The following SRRM1 variants were observed in gnomAD, a reference collection of about 807,000 sequenced individuals.
The protein encoded by SRRM1 is serine/arginine repetitive matrix protein 1.
SRRM1 carries 19 observed loss-of-function variants against 110.2 expected under a neutral mutation model. The observed-to-expected ratio is 0.17, with a 90% confidence interval of 0.12 to 0.25. The LOEUF (loss-of-function observed/expected upper bound fraction) is 0.25. Among genes scored for constraint, SRRM1 ranks in the 10% least tolerant of loss-of-function variants. The probability of loss-of-function intolerance (pLI) is 1.00; values close to 1 mark genes in which losing one functional copy is unlikely to be tolerated. For synonymous variants in SRRM1, 443 were observed against 414.9 expected (o/e 1.07, Z -0.82); for missense variants, 918 against 1,145.8 (o/e 0.80, Z 2.87).
At position 24,651,398 on chromosome 1, in the gene SRRM1, T is replaced by A; in HGVS notation, c.522-11T>A. 1 of 1,610,250 alleles carries A rather than the reference T, an allele frequency of 6.2e-7. No homozygotes were observed. Among genetic ancestry groups the A allele is most frequent in the Non-Finnish European group, 8.5e-7 (1 of 1,178,286 alleles). ...TATTTAAAAACCTGAAAAAAATTAC[T>A]TTCATCCTAGACGCAAATCCAGATC... On this transcript the variant is annotated splice_polypyrimidine_tract_variant and intron_variant, in intron 5 of 16. Transcript: ENST00000323848.
In SRRM1 at chr1:24,655,068, G is replaced by A. The variant is rs746946781; in HGVS notation, c.1254G>A (p.Gln418=). 1.2e-6 allele frequency: 2 copies of A among 1,614,160 alleles called. No homozygotes were observed. The highest frequency in any genetic ancestry group is 1.7e-6 in the Non-Finnish European group (2 of 1,180,028). ...PPKTRHSPTP[Q]QSNRTRKSRV... ...AAACTCGGCATTCCCCTACACCCCAGCAGTCAAACCGTACAAGAAAAAGTC... is the reference window on the plus strand; with the variant it reads ...AAACTCGGCATTCCCCTACACCCCAACAGTCAAACCGTACAAGAAAAAGTC... Residue 418 remains glutamine, a synonymous_variant, in exon 9 of 17, where the codon CAG becomes CAA. Coordinates refer to ENST00000323848, the MANE Select transcript of SRRM1 (RefSeq NM_005839.4).
intron 4 of SRRM1, 36 bp from the exon 5 acceptor site, chr1:24,649,935 T>TC: frequency 6.6e-7 from 1 of 1,510,366 alleles, no homozygotes; most frequent in Non-Finnish European, 8.8e-7. Context: ...TCTCAAATGT[T>TC]CAACTATGTG....
chr1:24,660,678 T>C, intron 9 of SRRM1, 41 bp from the exon 10 acceptor site: 1 of 1,169,280 alleles, frequency 8.6e-7, no homozygotes, highest in Non-Finnish European at 1.2e-6. Flanking sequence ...TATAGACCTT[T>C]TTTTGTACGT....
intron 5 of SRRM1, chr1:24,650,514 T>G (rs192969219): frequency 6.6e-6 from 1 of 152,566 alleles, no homozygotes; most frequent in Admixed American, 6.5e-5. Context: ...TTTTCTTAGA[T>G]GGTTGTACTG....
Position 24,654,897 on chromosome 1 carries a change from A to G in SRRM1, c.1083A>G (p.Ser361=). The G allele has an allele frequency of 2.5e-6, 4 of 1,614,148 alleles. No individual in the cohort carries two copies. Among genetic ancestry groups the G allele is most frequent in the Non-Finnish European group, 3.4e-6 (4 of 1,180,016 alleles). The change falls in exon 9 of 17, where the codon TCA becomes TCG. Residue 361 remains serine (S), a synonymous_variant. Transcript: ENST00000323848. The part of the protein sequence containing the change: ...SSASLSGSSS[S]SSSSRSRSPP... Reference sequence around the variant, plus strand: ...CATCCTTGTCTGGGAGTAGCTCATCATCCTCTTCATCTCGTTCACGGTCAC... The same window carrying G: ...CATCCTTGTCTGGGAGTAGCTCATCGTCCTCTTCATCTCGTTCACGGTCAC...
rs1346480220 is a variant in SRRM1 at position 24,656,546 on chromosome 1, A to G, written c.1315+1417A>G. Among the ~76,000 whole-genome samples, 5 of 152,154 alleles carry G rather than the reference A, an allele frequency of 3.3e-5. No individual in the cohort carries two copies. The East Asian group carries it at 7.7e-4, about 23-fold the overall frequency. ...CCATACTGCTTTTCAGCATTGGGAA[A>G]ATTTCAGTCCATTTTCAGTTACCAT... is the stretch of plus-strand genomic sequence containing the variant. On this transcript the variant is annotated intron_variant, in intron 9 of 16. Transcript: ENST00000323848.
chr1:24,649,269 T>C (rs1272044512), intron 4 of SRRM1, among the ~76,000 whole-genome samples: 1 of 152,246 alleles, frequency 6.6e-6, no homozygotes, highest in African/African-American at 2.4e-5. Context: ...TGAGTGCATG[T>C]AGCTTAAAAG....
Position 24,643,307 on chromosome 1 carries a change from T to A in SRRM1, c.-20T>A, listed in dbSNP as rs912821269. ...CGGTGTACCCTGGGATAGGGAGCGA[T>A]CTCCGAGCGAGGCGGCAAGATGGAC... On this transcript the variant is annotated 5_prime_UTR_variant, in exon 1 of 17. Transcript: ENST00000323848. 1 of 1,564,740 alleles carries A rather than the reference T, an allele frequency of 6.4e-7. No individual in the cohort carries two copies. The highest frequency in any genetic ancestry group is 1.4e-5 in the African/African-American group (1 of 70,046).
At chr1:24,654,190 A>T in intron 8 of SRRM1, 1 of 717,736 alleles carries the variant, frequency 1.4e-6, no homozygotes. Context: ...TTTTGCAAAC[A>T]GCATGTTTAA....
Position 24,651,261 on chromosome 1 carries a change from A to G in SRRM1, c.522-148A>G, listed in dbSNP as rs1013404912. The G allele has an allele frequency of 6.3e-6, 4 of 631,188 alleles. No homozygotes were observed. The Admixed American group carries it at 8.9e-5, about 14-fold the overall frequency. 39.1% of individuals were successfully genotyped at this position (631,188 alleles called of 1,614,324 possible). A position where few individuals can be genotyped will look rare whatever the true frequency, so the allele number is the denominator to read the frequency against. ...CTTGTCTTTCTCTTCCCTGTCAAGT[A>G]GATTAGGTTAGCATGTCTTATTTCC... is the stretch of plus-strand genomic sequence containing the variant. On this transcript the variant is annotated intron_variant, in intron 5 of 16. Transcript: ENST00000323848.
chr1:24,672,431 T>C lies in SRRM1; in HGVS notation c.*145T>C. ...GTTCAACATGTAAAAAAAGGGGGCA[T>C]GGATTTACATTGCAAAAGGTGTCCA... is the stretch of plus-strand genomic sequence containing the variant. On this transcript the variant is annotated 3_prime_UTR_variant, in exon 17 of 17. Coordinates refer to ENST00000323848, the MANE Select transcript of SRRM1 (RefSeq NM_005839.4). The C allele has an allele frequency of 1.8e-6, 1 of 551,292 alleles. No individual in the cohort carries two copies. Among genetic ancestry groups the C allele is most frequent in the East Asian group, 3.2e-5 (1 of 30,894 alleles). 34.2% of individuals were successfully genotyped at this position (551,292 alleles called of 1,614,324 possible). A position where few individuals can be genotyped will look rare whatever the true frequency, so the allele number is the denominator to read the frequency against.
chr1:24,658,440 A>G lies in SRRM1; in HGVS notation c.1316-2279A>G, dbSNP rs200950974. 1.3e-4 allele frequency among the ~76,000 whole-genome samples: 20 copies of G among 152,342 alleles called. No homozygotes were observed. The East Asian group carries it at 3.9e-3, about 29-fold the overall frequency. The stretch of plus-strand genomic sequence containing the variant: ...TTAGTGAGAAATTGAATCAGGATGC[A>G]ACTCCAGATGTGTATTTCCACTGGG... On this transcript the variant is annotated intron_variant, in intron 9 of 16. Transcript: ENST00000323848.
At chr1:24,665,738 G>A (rs1424601777) in intron 12 of SRRM1, among the ~76,000 whole-genome samples, 1 of 152,144 alleles carries the variant, frequency 6.6e-6, no homozygotes. Context: ...GATAGAGCCT[G>A]GTTTTGAATA....
intron 1 of SRRM1, among the ~76,000 whole-genome samples, chr1:24,644,709 G>C (rs1656298689): frequency 6.6e-6 from 1 of 152,184 alleles, no homozygotes; most frequent in African/African-American, 2.4e-5. Flanking sequence ...AACTGCTTAT[G>C]AACTGTCCAT....
intron 3 of SRRM1, 127 bp downstream of exon 3, chr1:24,646,916 T>C (rs1657999733): frequency 1.3e-6 from 1 of 777,374 alleles, no homozygotes; most frequent in Non-Finnish European, 1.9e-6. Context: ...GTGAAAAGAA[T>C]TCACTTTGTA....
Position 24,655,205 on chromosome 1 carries a change from C to G in SRRM1, c.1315+76C>G, listed in dbSNP as rs527348285. On this transcript the variant is annotated intron_variant, in intron 9 of 16. Transcript: ENST00000323848. ...GCGTAGTCAGTTATTGCCCCCTGCT[C>G]ACTCTCAAAGTATGAAATAGCTAGA... The G allele has an allele frequency of 4.0e-6, 6 of 1,486,178 alleles. No homozygotes were observed. In the South Asian group the frequency reaches 6.0e-5, roughly 15 times the overall value. The allele number at this position is 1,486,178 out of a possible 1,614,324, so 92.1% of individuals were successfully genotyped here.
Position 24,652,952 on chromosome 1 carries a change from G to A in SRRM1, c.960G>A (p.Arg320=). The stretch of plus-strand genomic sequence containing the variant: ...GAAGGCGGCCAAGCCCAAGAAGGCG[G>A]CCATCTCCTCGAAGAAGAACTCCGC... ...SPRRRPSPRR[R]PSPRRRTPPR... The change falls in exon 8 of 17, where the codon CGG becomes CGA. Residue 320 remains arginine, a synonymous_variant. Transcript: ENST00000323848. The A allele has an allele frequency of 6.2e-7, 1 of 1,613,934 alleles. No homozygotes were observed. The highest frequency in any genetic ancestry group is 8.5e-7 in the Non-Finnish European group (1 of 1,179,902).
At chr1:24,650,871 C>T (rs147161939) in intron 5 of SRRM1, among the ~76,000 whole-genome samples, 308 of 152,274 alleles carry the variant, frequency 2.0e-3, no homozygotes, top group African/African-American at 7.2e-3. Flanking sequence ...AAAAACCCTT[C>T]GAGTTAGGCA....
chr1:24,662,843 T>G lies in SRRM1; in HGVS notation c.1628+39T>G, dbSNP rs560218260. ...TTCAGTGATGTTCACTGATGTTCTG[T>G]AATTGTGATGAAATTTGATAACTTG... On this transcript the variant is annotated intron_variant, in intron 12 of 16. Coordinates refer to ENST00000323848, the MANE Select transcript of SRRM1 (RefSeq NM_005839.4). The G allele has an allele frequency of 6.5e-5, 104 of 1,593,430 alleles. No homozygotes were observed. The South Asian group carries it at 8.7e-4, about 13-fold the overall frequency.
Sources: allele counts gnomAD v4.1 joint callset (sites outside exome capture counted in the v4.1 genomes callset), GRCh38; gene constraint gnomAD v4.1.1; transcripts MANE v1.5; gene names NCBI Gene and HGNC (gene_info 2026-07-23, HGNC 2026-07-21).